The following HARBI1 variants were observed in gnomAD, a reference collection of about 807,000 sequenced individuals.
HARBI1 encodes the protein harbinger transposase derived 1, also known as putative nuclease HARBI1.
A neutral mutation model predicts 25.3 loss-of-function variants in HARBI1; 15 were observed. The ratio of observed to expected loss-of-function variants is 0.59; its 90% confidence interval spans 0.40 to 0.91. The LOEUF (loss-of-function observed/expected upper bound fraction) is 0.91. Ranked by LOEUF, HARBI1 falls within the 40% of genes least tolerant of loss-of-function variation. The probability of loss-of-function intolerance (pLI) is 0.00; values close to 1 mark genes in which losing one functional copy is unlikely to be tolerated. For missense variants in HARBI1, 396 were observed against 445.8 expected (o/e 0.89, Z 1.01); for synonymous variants, 168 against 160.5 (o/e 1.05, Z -0.35).
At chr11:46,606,475 G>C (rs1245381565) in intron 2 of HARBI1, among the ~76,000 whole-genome samples, 1 of 151,136 alleles carries the variant, frequency 6.6e-6, no homozygotes, top group African/African-American at 2.4e-5. Flanking sequence ...ACCATGACTG[G>C]CTAATTTTGG....
At chr11:46,616,998 G>C in intron 1 of HARBI1, 126 bp downstream of exon 1, 1 of 985,444 alleles carries the variant, frequency 1.0e-6, no homozygotes, top group Non-Finnish European at 1.2e-6. Context: ...TGGAAGTCGG[G>C]AGCGAAAAAG....
intron 2 of HARBI1, among the ~76,000 whole-genome samples, chr11:46,609,099 T>C (rs1036106236): frequency 6.6e-6 from 1 of 151,700 alleles, no homozygotes; most frequent in Admixed American, 6.6e-5. Context: ...AATTTTTATA[T>C]TTTTAGAAGA....
chr11:46,609,208 C>G (rs375450294), intron 2 of HARBI1, among the ~76,000 whole-genome samples: 27 of 152,098 alleles, frequency 1.8e-4, no homozygotes, highest in African/African-American at 6.3e-4. Flanking sequence ...TAGCACCTGG[C>G]TAAAATTAGC....
At chr11:46,617,729 G>A, upstream of HARBI1, 1 of 398,200 alleles carries the variant, frequency 2.5e-6, no homozygotes, top group Non-Finnish European at 4.4e-6. Flanking sequence ...TGGGGCCTGC[G>A]AGCCAGGACC....
intron 2 of HARBI1, among the ~76,000 whole-genome samples, chr11:46,608,447 G>A (rs550546340): frequency 5.3e-5 from 8 of 151,946 alleles, no homozygotes; most frequent in Non-Finnish European, 1.2e-4. Flanking sequence ...TTCCAAATCT[G>A]TCTATTCATA....
intron 2 of HARBI1, among the ~76,000 whole-genome samples, chr11:46,613,868 G>A (rs190090141): frequency 1.2e-3 from 187 of 151,390 alleles, no homozygotes; most frequent in African/African-American, 4.3e-3. Flanking sequence ...ACATTGTCTC[G>A]CTTTGTTGCC....
chr11:46,604,393 GA>G (rs2044861546), intron 2 of HARBI1: 1 of 882,082 alleles, frequency 1.1e-6, no homozygotes, highest in Non-Finnish European at 1.4e-6. Context: ...CGACAAGCGC[GA>G]AACTCCATCT....
In HARBI1 at chr11:46,616,292, A is replaced by C; in HGVS notation, c.-55T>G. 1.3e-6 allele frequency: 2 copies of C among 1,545,928 alleles called. No individual in the cohort carries two copies. Among genetic ancestry groups the C allele is most frequent in the Non-Finnish European group, 1.7e-6 (2 of 1,152,888 alleles). On this transcript the variant is annotated 5_prime_UTR_variant, in exon 2 of 3. Coordinates refer to ENST00000326737, the MANE Select transcript of HARBI1 (RefSeq NM_173811.4). ...GCTTTTTCTGAACTGTTCCCAATGA[A>C]GATGTTGGTGCAAGAACGTATTTTT...
chr11:46,604,343 T>C (rs1235299141), intron 2 of HARBI1: 14 of 803,066 alleles, frequency 1.7e-5, no homozygotes, highest in Non-Finnish European at 2.1e-5. Flanking sequence ...AGGCGGAGAT[T>C]GCAGTGAGCC....
chr11:46,614,783 G>A (rs1273454479), intron 2 of HARBI1, among the ~76,000 whole-genome samples: 1 of 152,058 alleles, frequency 6.6e-6, no homozygotes, highest in Non-Finnish European at 1.5e-5. Context: ...TTTTAATAAT[G>A]TCTATTAAAT....
At chr11:46,617,508 A>C, upstream of HARBI1, 1 of 295,758 alleles carries the variant, frequency 3.4e-6, no homozygotes, top group East Asian at 5.6e-5. Flanking sequence ...GACTAAGGTT[A>C]GGCATCTGGA....
chr11:46,606,545 C>G (rs1306604940), intron 2 of HARBI1, among the ~76,000 whole-genome samples: 1 of 152,098 alleles, frequency 6.6e-6, no homozygotes, highest in Non-Finnish European at 1.5e-5. Flanking sequence ...AACTCCCAAC[C>G]TCAGATGATC....
intron 2 of HARBI1, among the ~76,000 whole-genome samples, chr11:46,613,519 G>A (rs977768916): frequency 8.4e-6 from 1 of 119,280 alleles, no homozygotes. Flanking sequence ...GTCTCCCTCT[G>A]TTGCCCAGGC....
chr11:46,603,117 T>G lies in HARBI1; in HGVS notation c.*413A>C, dbSNP rs963827020. 5 of 155,464 alleles carry G rather than the reference T, an allele frequency of 3.2e-5. No homozygotes were observed. The highest frequency in any genetic ancestry group is 1.9e-4 in the Admixed American group (3 of 15,572). 9.6% of individuals were successfully genotyped at this position (155,464 alleles called of 1,614,324 possible). ...GCCTCGGCCTCCCAAAGTGCTGGGA[T>G]TACAGGCGTGAGCCACCGCACCCGG... is the stretch of plus-strand genomic sequence containing the variant. On this transcript the variant is annotated 3_prime_UTR_variant, in exon 3 of 3. Transcript: ENST00000326737.
intron 2 of HARBI1, among the ~76,000 whole-genome samples, chr11:46,614,595 A>C (rs975369540): frequency 3.3e-5 from 5 of 152,230 alleles, no homozygotes; most frequent in African/African-American, 1.2e-4. Flanking sequence ...AAATAAAAAT[A>C]AAATAAGAAA....
chr11:46,616,507 C>A, intron 1 of HARBI1, 126 bp from the exon 2 acceptor site: 1 of 1,225,922 alleles, frequency 8.2e-7, no homozygotes. Context: ...ACTTACAACT[C>A]CGGATTTTTC....
At chr11:46,605,949 G>C (rs952983062) in intron 2 of HARBI1, among the ~76,000 whole-genome samples, 1 of 149,952 alleles carries the variant, frequency 6.7e-6, no homozygotes, top group Non-Finnish European at 1.5e-5. Context: ...GCAGTAGCAT[G>C]ATCTCGGCTC....
chr11:46,611,205 C>T (rs1291102043), intron 2 of HARBI1, among the ~76,000 whole-genome samples: 1 of 151,976 alleles, frequency 6.6e-6, no homozygotes, highest in East Asian at 1.9e-4. Context: ...GATGAGGTTT[C>T]ACTGTGTTAG....
rs1389127944 is a variant in HARBI1 at position 46,603,745 on chromosome 11, C to T, written c.835G>A (p.Gly279Arg). 1.9e-6 allele frequency: 3 copies of T among 1,614,152 alleles called. No individual in the cohort carries two copies. Among genetic ancestry groups the T allele is most frequent in the Non-Finnish European group, 2.5e-6 (3 of 1,180,028 alleles). The change falls in exon 3 of 3, where the codon GGG becomes AGG. Residue 279 changes from glycine to arginine, a missense_variant. Gly to Arg is a moderately radical substitution (Grantham distance 125, BLOSUM62 -2). Transcript: ENST00000326737. ...TTCTCTGGTGAGTACTGCAGTGCCC[C>T]CTTGGATCCATCCAGGCAGCGGAAT... ...SRFRCLDGSK[G>R]ALQYSPEKSS... is the part of the protein sequence containing the mutation.
Sources: gnomAD v4.1 joint callset for allele counts (sites outside exome capture counted in the v4.1 genomes callset) on GRCh38, gnomAD v4.1.1 for gene constraint, MANE v1.5 for transcripts, NCBI Gene and HGNC (gene_info 2026-07-23, HGNC 2026-07-21) for gene names.